Variants in RBMS3 observed in about 807,000 individuals in gnomAD.
The protein encoded by RBMS3 is RNA-binding motif, single-stranded-interacting protein 3.
A neutral mutation model predicts 66.8 loss-of-function variants in RBMS3; 27 were observed. The observed-to-expected ratio is 0.40, with a 90% confidence interval of 0.30 to 0.56. The LOEUF is 0.56. RBMS3 is among the 20% of genes least tolerant of loss of function. RBMS3 has a pLI of 0.40. For missense variants in RBMS3, 513 were observed against 549.5 expected, an observed-to-expected ratio of 0.93 and a Z score of 0.66; for synonymous variants, 188 against 183.0, an observed-to-expected ratio of 1.03 and a Z score of -0.22.
intron 4 of RBMS3, among the ~76,000 whole-genome samples, chr3:29,624,008 T>G (rs1474817632): frequency 6.6e-6 from 1 of 152,200 alleles, no homozygotes; most frequent in East Asian, 1.9e-4. Context: ...TGCTAAAATA[T>G]ATGCCTATAA....
chr3:29,386,892 C>T (rs2039034353), intron 1 of RBMS3, among the ~76,000 whole-genome samples: 1 of 152,202 alleles, frequency 6.6e-6, no homozygotes, highest in Non-Finnish European at 1.5e-5. Context: ...GTTGCCAGAT[C>T]CAATGGACCA....
rs976425275 is a variant in RBMS3, at chr3:29,540,042, G to A, written c.308-47072G>A. Among the ~76,000 whole-genome samples the A allele has an allele frequency of 2.6e-5, 4 of 151,834 alleles. No individual in the cohort carries two copies. In the East Asian group the frequency reaches 7.8e-4, roughly 29 times the overall value. On this transcript the variant is annotated intron_variant, in intron 3 of 14. Transcript: ENST00000383767. ...TGCTTTTTTACTGGGTTTCATTCAC[G>A]GTAAAAATGAAAGATATTTTAAAAC...
intron 6 of RBMS3, among the ~76,000 whole-genome samples, chr3:29,791,942 T>G (rs1208900778): frequency 1.4e-4 from 21 of 152,230 alleles, no homozygotes; most frequent in Non-Finnish European, 4.4e-5. Flanking sequence ...AAAATCACAT[T>G]TTATTTTTTA....
chr3:29,673,349 A>G (rs1039907987), intron 4 of RBMS3, among the ~76,000 whole-genome samples: 8 of 152,332 alleles, frequency 5.3e-5, no homozygotes, highest in Admixed American at 4.6e-4. Context: ...TAGAGAAGCA[A>G]GAGCAAACAC....
At chr3:29,570,608 A>G (rs529897700) in intron 3 of RBMS3, among the ~76,000 whole-genome samples, 3 of 152,132 alleles carry the variant, frequency 2.0e-5, no homozygotes, top group Non-Finnish European at 2.9e-5. Context: ...TATTTCACTT[A>G]ATGTAATGAC....
chr3:29,781,537 A>G lies in RBMS3; in HGVS notation c.637+18548A>G, dbSNP rs914276833. Among the ~76,000 whole-genome samples the G allele has an allele frequency of 2.0e-5, 3 of 152,292 alleles. No homozygotes were observed. In the South Asian group the frequency reaches 6.2e-4, roughly 32 times the overall value. ...ATCAATGTTTTATAAAAATTTTGGT[A>G]TTATTAATCAGGGTTAGCTCCTGAA... On this transcript the variant is annotated intron_variant, in intron 6 of 14. Transcript: ENST00000383767.
At chr3:29,965,570 G>A (rs1197987348) in intron 12 of RBMS3, among the ~76,000 whole-genome samples, 1 of 151,876 alleles carries the variant, frequency 6.6e-6, no homozygotes, top group East Asian at 1.9e-4. Flanking sequence ...CTTTTTGATG[G>A]GATTGTTTGG....
At chr3:29,384,903 G>A (rs576349414) in intron 1 of RBMS3, among the ~76,000 whole-genome samples, 22 of 152,272 alleles carry the variant, frequency 1.4e-4, no homozygotes, top group Admixed American at 5.9e-4. Flanking sequence ...ATTAACATAC[G>A]TTTCTTGTCA....
intron 1 of RBMS3, among the ~76,000 whole-genome samples, chr3:29,429,349 A>G (rs1326393295): frequency 6.6e-6 from 1 of 152,154 alleles, no homozygotes. Context: ...ATCTTATTTC[A>G]TTTCCTAAAG....
At chr3:29,915,540 G>A (rs914170231) in intron 10 of RBMS3, among the ~76,000 whole-genome samples, 4 of 151,576 alleles carry the variant, frequency 2.6e-5, no homozygotes, top group Admixed American at 1.3e-4. Context: ...TTAAGAATCC[G>A]TAACAGTATG....
intron 10 of RBMS3, among the ~76,000 whole-genome samples, chr3:29,902,824 C>T (rs1448732094): frequency 2.0e-5 from 3 of 151,862 alleles, no homozygotes; most frequent in Non-Finnish European, 4.4e-5. Flanking sequence ...AGAAGCCCTT[C>T]GGGTTCTCTC....
chr3:29,793,934 A>G (rs556573753), intron 6 of RBMS3, among the ~76,000 whole-genome samples: 7 of 152,310 alleles, frequency 4.6e-5, no homozygotes, highest in African/African-American at 1.7e-4. Context: ...ACAATAATAA[A>G]TGAGTTCTCA....
At chr3:29,803,040 G>GCT (rs950379594) in intron 6 of RBMS3, among the ~76,000 whole-genome samples, 3 of 152,112 alleles carry the variant, frequency 2.0e-5, no homozygotes, top group Non-Finnish European at 2.9e-5. Flanking sequence ...TAGTACTATA[G>GCT]CTCTCTGATG....
chr3:29,310,685 AG>A (rs930987435), intron 1 of RBMS3, among the ~76,000 whole-genome samples: 1 of 151,710 alleles, frequency 6.6e-6, no homozygotes, highest in Admixed American at 6.6e-5. Context: ...GAATTCCTTC[AG>A]CCCCACCCTC....
intron 3 of RBMS3, among the ~76,000 whole-genome samples, chr3:29,546,108 T>TTGTGTG (rs71091070): frequency 0.024 from 3,452 of 145,968 alleles, 80 homozygotes; most frequent in East Asian, 0.089. Context: ...TGAGACGGGT[T>TTGTGTG]TGTGTGTGTG....
chr3:29,546,882 A>G (rs1447477000), intron 3 of RBMS3, among the ~76,000 whole-genome samples: 1 of 152,216 alleles, frequency 6.6e-6, no homozygotes, highest in Non-Finnish European at 1.5e-5. Flanking sequence ...CATGGAATCT[A>G]TCTAGAAATC....
intron 3 of RBMS3, among the ~76,000 whole-genome samples, chr3:29,518,838 G>A (rs1363078410): frequency 6.6e-6 from 1 of 152,096 alleles, no homozygotes; most frequent in Non-Finnish European, 1.5e-5. Context: ...AATTAATTAT[G>A]ATGTTCACTA....
chr3:29,593,099 G>T (rs1232636207), intron 4 of RBMS3, among the ~76,000 whole-genome samples: 1 of 151,986 alleles, frequency 6.6e-6, no homozygotes, highest in East Asian at 1.9e-4. Flanking sequence ...CACGAACATG[G>T]CACATGTATA....
intron 4 of RBMS3, chr3:29,615,197 C>T (rs534500475): frequency 5.2e-5 from 8 of 152,476 alleles, no homozygotes; most frequent in Admixed American, 5.2e-4. Context: ...GAAGCAATTA[C>T]CACCATAATA....
Sources: allele counts gnomAD v4.1 joint callset (sites outside exome capture counted in the v4.1 genomes callset), GRCh38; gene constraint gnomAD v4.1.1; transcripts MANE v1.5; gene names NCBI Gene and HGNC (gene_info 2026-07-23, HGNC 2026-07-21).